Variants in SIPA1L3 observed in about 807,000 individuals in gnomAD.
SIPA1L3 encodes the protein signal induced proliferation associated 1 like 3.
SIPA1L3 carries 59 observed loss-of-function variants against 150.1 expected under a neutral mutation model. The observed-to-expected ratio is 0.39, with a 90% CI of 0.32 to 0.49. The LOEUF (loss-of-function observed/expected upper bound fraction) is 0.49, where lower values mean the gene tolerates loss of function less well. Ranked by LOEUF, SIPA1L3 falls within the 20% of genes least tolerant of loss-of-function variation. The pLI is 0.86. For missense variants in SIPA1L3, 2,211 were observed against 2,489.5 expected (o/e 0.89, Z 2.38); for synonymous variants, 1,070 against 1,077.6 (o/e 0.99, Z 0.14).
At chr19:37,966,050 A>G (rs2046901377) in intron 1 of SIPA1L3, among the ~76,000 whole-genome samples, 1 of 152,084 alleles carries the variant, frequency 6.6e-6, no homozygotes, top group African/African-American at 2.4e-5. Context: ...CCACTCTGCT[A>G]GTACCATTTG....
At chr19:37,951,584 A>C (rs143975079) in intron 1 of SIPA1L3, among the ~76,000 whole-genome samples, 1 of 152,158 alleles carries the variant, frequency 6.6e-6, no homozygotes, top group East Asian at 1.9e-4. Flanking sequence ...TAGAAACAGA[A>C]GTGGGAAAAA....
At chr19:37,931,180 G>A (rs1468711712) in intron 1 of SIPA1L3, among the ~76,000 whole-genome samples, 4 of 152,166 alleles carry the variant, frequency 2.6e-5, no homozygotes, top group Non-Finnish European at 5.9e-5. Context: ...GCTGATTGTT[G>A]AGCATTTTTG....
intron 1 of SIPA1L3, among the ~76,000 whole-genome samples, chr19:38,017,255 G>T (rs543100175): frequency 5.7e-4 from 87 of 152,230 alleles, no homozygotes; most frequent in Middle Eastern, 3.4e-3. Flanking sequence ...CAGTGACTTT[G>T]TTTATTGAAT....
At chr19:38,042,278 C>T (rs1968943591) in intron 2 of SIPA1L3, among the ~76,000 whole-genome samples, 1 of 152,134 alleles carries the variant, frequency 6.6e-6, no homozygotes, top group Non-Finnish European at 1.5e-5. Context: ...TTATTTCCCA[C>T]TTATGTTTGG....
intron 1 of SIPA1L3, among the ~76,000 whole-genome samples, chr19:37,958,852 C>T (rs1173429474): frequency 6.6e-6 from 1 of 152,186 alleles, no homozygotes; most frequent in Non-Finnish European, 1.5e-5. Context: ...ATAAAAACAA[C>T]CCAATATAGA....
intron 20 of SIPA1L3, among the ~76,000 whole-genome samples, chr19:38,203,262 C>T (rs1310930748): frequency 6.6e-6 from 1 of 152,202 alleles, no homozygotes; most frequent in Non-Finnish European, 1.5e-5. Flanking sequence ...GGACCTGTGG[C>T]CCCTGGGCGG....
At chr19:38,181,036 C>T (rs565414255) in intron 15 of SIPA1L3, among the ~76,000 whole-genome samples, 2 of 152,256 alleles carry the variant, frequency 1.3e-5, no homozygotes, top group South Asian at 4.1e-4. Flanking sequence ...ATGTTGGTAC[C>T]CTTGATACCG....
At chr19:38,020,629 G>T (rs1968351777) in intron 1 of SIPA1L3, among the ~76,000 whole-genome samples, 1 of 152,174 alleles carries the variant, frequency 6.6e-6, no homozygotes, top group African/African-American at 2.4e-5. Context: ...GGCTGGGCCT[G>T]GCCTTTAAAA....
intron 1 of SIPA1L3, among the ~76,000 whole-genome samples, chr19:38,010,806 A>G (rs1221256688): frequency 6.6e-6 from 1 of 152,182 alleles, no homozygotes; most frequent in African/African-American, 2.4e-5. Flanking sequence ...TGTGACCTTG[A>G]GTAAGTGACT....
intron 1 of SIPA1L3, among the ~76,000 whole-genome samples, chr19:37,948,204 T>A (rs567380011): frequency 2.6e-5 from 4 of 152,308 alleles, no homozygotes; most frequent in South Asian, 4.1e-4. Context: ...GGGCTATTAA[T>A]TCATCCTGGG....
intron 1 of SIPA1L3, among the ~76,000 whole-genome samples, chr19:38,011,542 C>G (rs888705266): frequency 6.6e-6 from 1 of 152,128 alleles, no homozygotes; most frequent in Non-Finnish European, 1.5e-5. Flanking sequence ...AAGTAGGGGC[C>G]CCCTGATCTG....
At chr19:38,095,132 TG>T (rs1156361254) in intron 4 of SIPA1L3, among the ~76,000 whole-genome samples, 6 of 152,330 alleles carry the variant, frequency 3.9e-5, no homozygotes, top group African/African-American at 1.4e-4. Flanking sequence ...ACTATGCATG[TG>T]GCTTTGTACA....
At chr19:38,112,903 T>C (rs1246018781) in intron 8 of SIPA1L3, among the ~76,000 whole-genome samples, 1 of 152,106 alleles carries the variant, frequency 6.6e-6, no homozygotes, top group Non-Finnish European at 1.5e-5. Context: ...GAATTTCTAA[T>C]TGTCCTTCAA....
intron 1 of SIPA1L3, among the ~76,000 whole-genome samples, chr19:37,918,870 CAAAA>C (rs2046434547): frequency 1.5e-5 from 2 of 129,878 alleles, no homozygotes; most frequent in Admixed American, 8.0e-5. Flanking sequence ...GACTCGGTCT[CAAAA>C]TAAATAAATA....
rs186911171 is a variant in SIPA1L3 at position 37,991,495 on chromosome 19, T to C, written c.-378-37594T>C. Among the ~76,000 whole-genome samples the C allele has an allele frequency of 8.5e-5, 13 of 152,292 alleles. No homozygotes were observed. In the East Asian group the frequency reaches 2.5e-3, roughly 29 times the overall value. On this transcript the variant is annotated intron_variant, in intron 1 of 21. Transcript: ENST00000222345. ...CCCCACATCCCCAGAGCAAAGGCCATGGAGGAAAACCTGAAGGCAGGAAGA... is the reference window on the plus strand; with the variant it reads ...CCCCACATCCCCAGAGCAAAGGCCACGGAGGAAAACCTGAAGGCAGGAAGA...
rs371892030 is a variant in SIPA1L3, at chr19:38,093,049, C to T, written c.1665+4198C>T. 7.2e-5 allele frequency among the ~76,000 whole-genome samples: 11 copies of T among 151,792 alleles called. No homozygotes were observed. In the East Asian group the frequency reaches 1.2e-3, roughly 16 times the overall value. Reference sequence around the variant, plus strand: ...TAATTTTTTGTATTTTTAGTAGAGACGGGGTTTCACTGTGTTAGGCAGGAT... The same window carrying T: ...TAATTTTTTGTATTTTTAGTAGAGATGGGGTTTCACTGTGTTAGGCAGGAT... On this transcript the variant is annotated intron_variant, in intron 4 of 21. Transcript: ENST00000222345.
chr19:38,106,508 C>T, intron 6 of SIPA1L3, 29 bp from the exon 7 acceptor site: 1 of 1,489,766 alleles, frequency 6.7e-7, no homozygotes, highest in Non-Finnish European at 9.4e-7. Context: ...GTTTTGGAAA[C>T]ATGGTCCTAA....
Position 38,082,687 on chromosome 19 carries a change from C to T in SIPA1L3, c.1122C>T (p.Ala374=), listed in dbSNP as rs144190840. ...QRRNTTTGAS[A]ASAASAMASL... is the part of the protein sequence containing the mutation. ...GGAACACCACCACGGGTGCTTCGGC[C>T]GCTTCCGCCGCCTCGGCCATGGCCT... The change falls in exon 3 of 22, where the codon GCC becomes GCT. Residue 374 remains alanine (A), a synonymous_variant. Transcript: ENST00000222345. 145 of 1,609,096 alleles carry T rather than the reference C, an allele frequency of 9.0e-5. No individual in the cohort carries two copies. The highest frequency in any genetic ancestry group is 1.2e-4 in the Non-Finnish European group (140 of 1,178,892).
chr19:38,186,510 GTTC>G (rs1033786957), intron 16 of SIPA1L3, among the ~76,000 whole-genome samples: 3 of 140,520 alleles, frequency 2.1e-5, no homozygotes, highest in Non-Finnish European at 4.8e-5. Flanking sequence ...GTTTTGTTTT[GTTC>G]TTCTTAATTT....
Sources: allele counts gnomAD v4.1 joint callset (sites outside exome capture counted in the v4.1 genomes callset), GRCh38; gene constraint gnomAD v4.1.1; transcripts MANE v1.5; gene names NCBI Gene and HGNC (gene_info 2026-07-23, HGNC 2026-07-21).